Variants in LOC400499 observed in about 807,000 individuals in gnomAD.
the LOC400499 span, chr16:11,425,059 C>T: frequency 2.5e-6 from 1 of 398,436 alleles, no homozygotes; most frequent in African/African-American, 2.1e-5. Context: ...CATTTATCCC[C>T]CCTCCCTTGG....
At chr16:11,485,637 C>T in the LOC400499 span, among the ~76,000 whole-genome samples, 2 of 152,198 alleles carry the variant, frequency 1.3e-5, no homozygotes, top group African/African-American at 2.4e-5. Flanking sequence ...TCTCCACCTT[C>T]CATCTTTTCT....
At chr16:11,505,281 G>T in the LOC400499 span, among the ~76,000 whole-genome samples, 1 of 151,884 alleles carries the variant, frequency 6.6e-6, no homozygotes, top group East Asian at 1.9e-4. Context: ...ACCTTAGCAC[G>T]TCATGTCATA....
the LOC400499 span, chr16:11,402,195 G>A: frequency 2.5e-5 from 10 of 398,972 alleles, no homozygotes; most frequent in South Asian, 1.3e-4. Context: ...GGTAGGGCAC[G>A]TGAGCTGAGG....
At chr16:11,524,361 G>GCCCCCCC in the LOC400499 span, among the ~76,000 whole-genome samples, 65 of 93,724 alleles carry the variant, frequency 6.9e-4, no homozygotes, top group African/African-American at 1.5e-3. Context: ...CATCCACCCA[G>GCCCCCCC]CCACCCACCC....
At chr16:11,498,389 C>T in the LOC400499 span, among the ~76,000 whole-genome samples, 1 of 151,828 alleles carries the variant, frequency 6.6e-6, no homozygotes, top group African/African-American at 2.4e-5. Flanking sequence ...GGCTGAGGCA[C>T]GAGAATCACT....
the LOC400499 span, among the ~76,000 whole-genome samples, chr16:11,389,765 C>T: frequency 3.3e-5 from 5 of 150,728 alleles, no homozygotes; most frequent in Admixed American, 6.6e-5. Context: ...GCTTAAGATG[C>T]GACTCTCAGG....
At chr16:11,390,031 G>T in the LOC400499 span, 4 of 966,360 alleles carry the variant, frequency 4.1e-6, no homozygotes, top group Non-Finnish European at 4.0e-6. Flanking sequence ...GTGTCGGAAG[G>T]TGTCAAAGCA....
chr16:11,477,812 G>C, the LOC400499 span: 1 of 398,964 alleles, frequency 2.5e-6, no homozygotes, highest in Non-Finnish European at 4.4e-6. Context: ...GCTCCCAGGA[G>C]CTAGATACCT....
chr16:11,457,242 T>C, the LOC400499 span: 4 of 545,906 alleles, frequency 7.3e-6, no homozygotes, highest in Non-Finnish European at 1.3e-5. Context: ...CATACGCTGA[T>C]GGTGGGAATG....
At chr16:11,517,581 A>G in the LOC400499 span, among the ~76,000 whole-genome samples, 1 of 152,214 alleles carries the variant, frequency 6.6e-6, no homozygotes, top group African/African-American at 2.4e-5. Context: ...CACAGGCTGC[A>G]GAAACCCCGA....
chr16:11,391,837 C>A, the LOC400499 span: 1 of 1,232,046 alleles, frequency 8.1e-7, no homozygotes. Flanking sequence ...CCTGCCACGC[C>A]GTCCAGGGTG....
At chr16:11,376,350 T>C in the LOC400499 span, among the ~76,000 whole-genome samples, 1 of 123,660 alleles carries the variant, frequency 8.1e-6, no homozygotes, top group African/African-American at 2.7e-5. Context: ...TTATTGAGGT[T>C]TTCTTTTTTT....
the LOC400499 span, chr16:11,450,796 C>G: frequency 2.0e-6 from 3 of 1,534,828 alleles, no homozygotes; most frequent in Non-Finnish European, 8.7e-7. Flanking sequence ...GACCATCAGC[C>G]ATGGACTATC....
At chr16:11,440,595 G>C in the LOC400499 span, 10 of 397,528 alleles carry the variant, frequency 2.5e-5, no homozygotes, top group African/African-American at 4.1e-5. Flanking sequence ...CCAAAATAAG[G>C]GCTGTGCTGT....
At chr16:11,512,449 A>G in the LOC400499 span, among the ~76,000 whole-genome samples, 23 of 151,930 alleles carry the variant, frequency 1.5e-4, no homozygotes, top group African/African-American at 4.6e-4. Context: ...CTAAAAACAC[A>G]AAAATCAGCC....
At chr16:11,379,479 C>G in the LOC400499 span, among the ~76,000 whole-genome samples, 1 of 152,222 alleles carries the variant, frequency 6.6e-6, no homozygotes, top group Admixed American at 6.5e-5. Flanking sequence ...CCTTCTCTAT[C>G]TTATTTCATC....
the LOC400499 span, chr16:11,475,803 A>G: frequency 2.5e-6 from 1 of 395,134 alleles, no homozygotes. Context: ...AGCTTGGCAC[A>G]GGGGCAAATT....
At chr16:11,523,814 T>C in the LOC400499 span, among the ~76,000 whole-genome samples, 1 of 151,486 alleles carries the variant, frequency 6.6e-6, no homozygotes, top group South Asian at 2.1e-4. Flanking sequence ...AGGTCTCCAT[T>C]CCTCCCATCC....
chr16:11,415,931 T>C, the LOC400499 span, among the ~76,000 whole-genome samples: 1 of 145,962 alleles, frequency 6.9e-6, no homozygotes, highest in African/African-American at 2.7e-5. Context: ...CGGCCAAAAA[T>C]AAAGTGTTTT....
Sources: gnomAD v4.1 joint callset for allele counts (sites outside exome capture counted in the v4.1 genomes callset) on GRCh38, gnomAD v4.1.1 for gene constraint, MANE v1.5 for transcripts.